Variants in TMEM236 observed in about 807,000 individuals in gnomAD.
TMEM236 encodes the protein family with sequence similarity 23, member A.
TMEM236 carries 11 observed loss-of-function variants against 14.7 expected under a neutral mutation model. That is an observed-to-expected ratio of 0.75 (90% CI 0.47 to 1.24). TMEM236 has a LOEUF of 1.24. Ranked by LOEUF, TMEM236 falls within the 50% of genes most tolerant of loss-of-function variation. The probability of loss-of-function intolerance (pLI) is 0.00; values close to 1 mark genes in which losing one functional copy is unlikely to be tolerated. For missense variants in TMEM236, 464 were observed against 427.3 expected, an observed-to-expected ratio of 1.09 and a Z score of -0.76; for synonymous variants, 182 against 168.6, an observed-to-expected ratio of 1.08 and a Z score of -0.62.
intron 3 of TMEM236, among the ~76,000 whole-genome samples, chr10:17,790,225 T>C (rs368122483): frequency 0.054 from 8,236 of 151,934 alleles, 305 homozygotes; most frequent in Non-Finnish European, 0.081. Context: ...AGACGCAGTC[T>C]CAAAAATAAT....
chr10:17,763,354 G>A (rs1187495467), intron 1 of TMEM236, among the ~76,000 whole-genome samples: 1 of 152,114 alleles, frequency 6.6e-6, no homozygotes, highest in Non-Finnish European at 1.5e-5. Flanking sequence ...TACTTGGGAG[G>A]CTGAGGTGGG....
chr10:17,796,674 A>C lies in TMEM236; in HGVS notation c.*170A>C, dbSNP rs997243068. The C allele has an allele frequency of 1.6e-6, 1 of 620,886 alleles. No individual in the cohort carries two copies. Among genetic ancestry groups the C allele is most frequent in the African/African-American group, 1.8e-5 (1 of 54,058 alleles). 38.5% of individuals were successfully genotyped at this position (620,886 alleles called of 1,614,324 possible). A position where few individuals can be genotyped will look rare whatever the true frequency, so the allele number is the denominator to read the frequency against. On this transcript the variant is annotated 3_prime_UTR_variant, in exon 4 of 4. Coordinates refer to ENST00000377495, the MANE Select transcript of TMEM236 (RefSeq NM_001098844.3). The stretch of plus-strand genomic sequence containing the variant: ...TATCAGTTTTTTTTTTTACATATAC[A>C]AATGGTGCTAAATTTAAGTAAAGTA...
chr10:17,774,716 C>T (rs1424966696), intron 2 of TMEM236, among the ~76,000 whole-genome samples: 1 of 152,148 alleles, frequency 6.6e-6, no homozygotes, highest in Non-Finnish European at 1.5e-5. Context: ...TCCTTTTCCA[C>T]AAAAAGTTGC....
At chr10:17,784,064 GTTT>G (rs1837796844) in intron 3 of TMEM236, among the ~76,000 whole-genome samples, 1 of 151,798 alleles carries the variant, frequency 6.6e-6, no homozygotes. Context: ...TTACTATGGT[GTTT>G]TTCATATAGG....
At position 17,766,244 on chromosome 10, in the gene TMEM236, C is replaced by G. The variant is rs972623733; in HGVS notation, c.258-5065C>G. ...CCTTCAACACTTTGCTTAGAAACAT[C>G]CTCGGTTAAATATCTCAGTTCATTA... is the stretch of plus-strand genomic sequence containing the variant. On this transcript the variant is annotated intron_variant, in intron 1 of 3. Transcript: ENST00000377495. Among the ~76,000 whole-genome samples, 12 of 152,282 alleles carry G rather than the reference C, an allele frequency of 7.9e-5. No homozygotes were observed. In the East Asian group the frequency reaches 2.3e-3, roughly 29 times the overall value.
At chr10:17,794,275 C>T (rs1026665452) in intron 3 of TMEM236, among the ~76,000 whole-genome samples, 2 of 152,124 alleles carry the variant, frequency 1.3e-5, no homozygotes, top group African/African-American at 4.8e-5. Context: ...ACCTTTAGAG[C>T]TATTCAGTCT....
chr10:17,798,712 T>A lies in TMEM236; in HGVS notation c.*2208T>A. On this transcript the variant is annotated 3_prime_UTR_variant, in exon 4 of 4. Transcript: ENST00000377495. ...CAGCTTTCTAATTTGAGGTAGGTTC[T>A]ATAACCTCTGTGGGTCCCCGTTTCC... is the stretch of plus-strand genomic sequence containing the variant. The A allele has an allele frequency of 1.9e-6, 1 of 534,416 alleles. No homozygotes were observed. Among genetic ancestry groups the A allele is most frequent in the Non-Finnish European group, 3.8e-6 (1 of 259,864 alleles). 33.1% of individuals were successfully genotyped at this position (534,416 alleles called of 1,614,324 possible).
rs902524232 is a variant in TMEM236, at chr10:17,798,186, A to G, written c.*1682A>G. On this transcript the variant is annotated 3_prime_UTR_variant, in exon 4 of 4. Coordinates refer to ENST00000377495, the MANE Select transcript of TMEM236 (RefSeq NM_001098844.3). ...ATGATTTATGTAGCCAGTTTCTTCAATGATCTGTGATAACAAATCATTAAG... is the reference window on the plus strand; with the variant it reads ...ATGATTTATGTAGCCAGTTTCTTCAGTGATCTGTGATAACAAATCATTAAG... The G allele has an allele frequency of 2.6e-3, 537 of 203,390 alleles. 7 individuals are homozygous for G. Among genetic ancestry groups the G allele is most frequent in the African/African-American group, 0.01 (441 of 42,442 alleles). 12.6% of individuals were successfully genotyped at this position (203,390 alleles called of 1,614,324 possible).
chr10:17,754,607 G>A (rs1410061890), intron 1 of TMEM236, among the ~76,000 whole-genome samples: 1 of 152,064 alleles, frequency 6.6e-6, no homozygotes, highest in Non-Finnish European at 1.5e-5. Flanking sequence ...GATTACAGGC[G>A]TGAGCTGCCA....
chr10:17,753,650 G>C (rs1445026917), intron 1 of TMEM236, among the ~76,000 whole-genome samples: 1 of 152,168 alleles, frequency 6.6e-6, no homozygotes, highest in Non-Finnish European at 1.5e-5. Context: ...TTCTATCACT[G>C]ATGGGCATTT....
chr10:17,753,283 T>C (rs1837235618), intron 1 of TMEM236, among the ~76,000 whole-genome samples: 1 of 152,238 alleles, frequency 6.6e-6, no homozygotes, highest in African/African-American at 2.4e-5. Flanking sequence ...AACTTTTAAG[T>C]GCAGGTTTGT....
At chr10:17,762,721 G>A (rs1175364022) in intron 1 of TMEM236, among the ~76,000 whole-genome samples, 1 of 150,222 alleles carries the variant, frequency 6.7e-6, no homozygotes, top group Non-Finnish European at 1.5e-5. Context: ...GGGTTGGAGT[G>A]CAGTGGCATG....
At chr10:17,763,296 TAA>T (rs1276532944) in intron 1 of TMEM236, among the ~76,000 whole-genome samples, 5 of 150,824 alleles carry the variant, frequency 3.3e-5, no homozygotes, top group African/African-American at 1.2e-4. Flanking sequence ...TACAGGACGT[TAA>T]AAAAAAAGTT....
chr10:17,775,908 C>T (rs1554835118), intron 2 of TMEM236, 121 bp from the exon 3 acceptor site: 44 of 1,312,428 alleles, frequency 3.4e-5, no homozygotes, highest in Non-Finnish European at 1.1e-6. Context: ...TAAAAACCAA[C>T]CTTCTAGTTT....
chr10:17,764,442 G>T (rs2131744290), intron 1 of TMEM236, among the ~76,000 whole-genome samples: 2 of 152,230 alleles, frequency 1.3e-5, no homozygotes, highest in Non-Finnish European at 2.9e-5. Flanking sequence ...TCGCAAACTT[G>T]CATTCTTTGC....
rs1837432552 is a variant in TMEM236, at chr10:17,764,724, T to C, written c.258-6585T>C. ...TGGTGGTTGCTGGCAATCTTTGGTG[T>C]TCCTTGACCTGTAGATGCATCACTC... On this transcript the variant is annotated intron_variant, in intron 1 of 3. Transcript: ENST00000377495. 3.9e-5 allele frequency among the ~76,000 whole-genome samples: 6 copies of C among 152,262 alleles called. No homozygotes were observed. In the South Asian group the frequency reaches 1.2e-3, roughly 32 times the overall value.
chr10:17,757,449 A>G (rs1409789472), intron 1 of TMEM236, among the ~76,000 whole-genome samples: 1 of 151,996 alleles, frequency 6.6e-6, no homozygotes, highest in East Asian at 1.9e-4. Context: ...AAATTAAAAA[A>G]TTAGCCAGGC....
intron 3 of TMEM236, among the ~76,000 whole-genome samples, chr10:17,784,271 T>C (rs886482216): frequency 2.2e-4 from 33 of 152,318 alleles, no homozygotes; most frequent in Non-Finnish European, 4.4e-4. Flanking sequence ...AAATAACCAA[T>C]AAGTTAGACA....
At chr10:17,784,751 T>A (rs1158922762) in intron 3 of TMEM236, among the ~76,000 whole-genome samples, 3 of 152,132 alleles carry the variant, frequency 2.0e-5, no homozygotes, top group Admixed American at 6.6e-5. Flanking sequence ...TGCCCCAATT[T>A]CTTCATGAAA....
Sources: allele counts gnomAD v4.1 joint callset (sites outside exome capture counted in the v4.1 genomes callset), GRCh38; gene constraint gnomAD v4.1.1; transcripts MANE v1.5; gene names NCBI Gene and HGNC (gene_info 2026-07-23, HGNC 2026-07-21).